Variants in TCF4 observed in about 807,000 individuals in gnomAD.
TCF4 encodes the protein SL3-3 enhancer factor 2.
Under a neutral mutation model 82.1 loss-of-function variants are expected in TCF4, and 3 were observed. The ratio of observed to expected loss-of-function variants is 0.04; its 90% CI spans 0.02 to 0.09. The LOEUF (loss-of-function observed/expected upper bound fraction) is 0.09. Among genes scored for constraint, TCF4 ranks in the 10% least tolerant of loss-of-function variants. TCF4 has a pLI of 1.00. For synonymous variants in TCF4, 276 were observed against 309.6 expected (o/e 0.89, Z 1.14); for missense variants, 518 against 852.7 (o/e 0.61, Z 4.89).
chr18:55,478,855 A>G (rs1426859460), intron 3 of TCF4, among the ~76,000 whole-genome samples: 1 of 109,220 alleles, frequency 9.2e-6, no homozygotes, highest in African/African-American at 3.3e-5. Context: ...AAAATTAAAA[A>G]TGTTCAAACT....
intron 3 of TCF4, among the ~76,000 whole-genome samples, chr18:55,515,318 G>A (rs1235566219): frequency 6.6e-6 from 1 of 152,124 alleles, no homozygotes; most frequent in Non-Finnish European, 1.5e-5. Flanking sequence ...CATTCATCAG[G>A]CATGTACTGA....
intron 3 of TCF4, among the ~76,000 whole-genome samples, chr18:55,535,433 G>C (rs2097106466): frequency 6.6e-6 from 1 of 152,154 alleles, no homozygotes; most frequent in Non-Finnish European, 1.5e-5. Flanking sequence ...TAATGGGAAG[G>C]AAAATGTGTA....
At chr18:55,623,769 G>C (rs973084953) in intron 2 of TCF4, among the ~76,000 whole-genome samples, 3 of 152,122 alleles carry the variant, frequency 2.0e-5, no homozygotes, top group African/African-American at 7.2e-5. Context: ...GTGTGAATTG[G>C]AGTTTTGCAG....
chr18:55,400,722 C>T (rs540224189), intron 6 of TCF4: 3 of 210,958 alleles, frequency 1.4e-5, no homozygotes, highest in South Asian at 7.5e-5. Flanking sequence ...AAACAACACA[C>T]GTCTCACAAT....
intron 8 of TCF4, among the ~76,000 whole-genome samples, chr18:55,347,475 C>T (rs760657494): frequency 2.6e-5 from 4 of 152,192 alleles, no homozygotes; most frequent in Non-Finnish European, 5.9e-5. Context: ...CATACTTCCA[C>T]AGTGACGTGA....
intron 5 of TCF4, among the ~76,000 whole-genome samples, chr18:55,415,523 A>C (rs1269536924): frequency 2.0e-5 from 3 of 152,220 alleles, no homozygotes; most frequent in Non-Finnish European, 4.4e-5. Flanking sequence ...AAACTTATTT[A>C]GTACTAAGTC....
At chr18:55,562,726 T>C (rs1349224741) in intron 3 of TCF4, among the ~76,000 whole-genome samples, 1 of 152,246 alleles carries the variant, frequency 6.6e-6, no homozygotes. Context: ...TGTACTTGTA[T>C]ATGGTTAATA....
At chr18:55,598,022 C>A (rs1455131282) in intron 2 of TCF4, among the ~76,000 whole-genome samples, 9 of 152,202 alleles carry the variant, frequency 5.9e-5, no homozygotes, top group Non-Finnish European at 1.5e-5. Context: ...AACTTCCCAG[C>A]CTTTACATGC....
At chr18:55,560,696 CTCTT>C in intron 3 of TCF4, among the ~76,000 whole-genome samples, 2 of 152,276 alleles carry the variant, frequency 1.3e-5, no homozygotes, top group East Asian at 3.9e-4. Context: ...TACTCCCAGG[CTCTT>C]AAGTAATAAA....
intron 14 of TCF4, 92 bp from the exon 15 acceptor site, chr18:55,254,792 G>C: frequency 8.8e-7 from 1 of 1,139,978 alleles, no homozygotes. Flanking sequence ...AAAACACACT[G>C]TGTTTCTAAA....
chr18:55,571,946 T>C (rs1429246094), intron 3 of TCF4, among the ~76,000 whole-genome samples: 1 of 151,562 alleles, frequency 6.6e-6, no homozygotes, highest in Admixed American at 6.6e-5. Flanking sequence ...GGTAATTAAT[T>C]ATAGTTCATT....
chr18:55,251,293 G>A (rs1466687756), intron 15 of TCF4, among the ~76,000 whole-genome samples: 1 of 150,946 alleles, frequency 6.6e-6, no homozygotes, highest in East Asian at 1.9e-4. Context: ...ACAAACATTC[G>A]CTCTTGTGTT....
intron 6 of TCF4, among the ~76,000 whole-genome samples, chr18:55,370,008 T>C (rs1486149410): frequency 1.3e-5 from 2 of 152,238 alleles, no homozygotes; most frequent in East Asian, 3.9e-4. Context: ...GGTACCAGCC[T>C]GGCCATCCCA....
At chr18:55,265,395 A>G (rs536084773) in intron 11 of TCF4, 8 of 152,330 alleles carry the variant, frequency 5.3e-5, no homozygotes, top group African/African-American at 1.7e-4. Context: ...CACTCCTACT[A>G]CAACCATTTT....
intron 2 of TCF4, among the ~76,000 whole-genome samples, chr18:55,612,701 G>A (rs529438219): frequency 7.2e-5 from 11 of 152,150 alleles, no homozygotes; most frequent in South Asian, 2.1e-4. Context: ...TAATCCCAGC[G>A]CTATGGGAGG....
At chr18:55,631,527 C>T (rs999380831) in intron 1 of TCF4, 2 of 749,140 alleles carry the variant, frequency 2.7e-6, no homozygotes, top group Non-Finnish European at 4.0e-6. Context: ...GACAAGTGCA[C>T]AGAAACTCTT....
chr18:55,430,520 C>A (rs2095155558), intron 5 of TCF4, among the ~76,000 whole-genome samples: 1 of 152,150 alleles, frequency 6.6e-6, no homozygotes, highest in Admixed American at 6.5e-5. Context: ...ACTGAAGATA[C>A]ATGGGTGACC....
intron 18 of TCF4, among the ~76,000 whole-genome samples, 173 bp downstream of exon 18, chr18:55,228,674 G>A (rs2047023881): frequency 6.6e-6 from 1 of 152,186 alleles, no homozygotes; most frequent in African/African-American, 2.4e-5. Context: ...CTTAATTACA[G>A]GAGAAAGGGA....
chr18:55,497,859 G>GA (rs760986296), intron 3 of TCF4, among the ~76,000 whole-genome samples: 189 of 150,522 alleles, frequency 1.3e-3, no homozygotes, highest in Non-Finnish European at 1.8e-3. Context: ...ATTGGAAGGG[G>GA]AAAAAAAAAC....
Sources: gnomAD v4.1 joint callset for allele counts (sites outside exome capture counted in the v4.1 genomes callset) on GRCh38, gnomAD v4.1.1 for gene constraint, MANE v1.5 for transcripts, NCBI Gene and HGNC (gene_info 2026-07-23, HGNC 2026-07-21) for gene names.